The following LRRC4C variants were observed in gnomAD, a reference collection of about 807,000 sequenced individuals.
LRRC4C encodes the protein leucine rich repeat containing 4C, also known as leucine-rich repeat-containing protein 4C.
In LRRC4C, 5 loss-of-function variants were observed where a neutral mutation model predicts 33.6. That is an observed-to-expected ratio of 0.15 (90% CI 0.08 to 0.31). The LOEUF (loss-of-function observed/expected upper bound fraction) is 0.31. Among genes scored for constraint, LRRC4C ranks in the 10% least tolerant of loss-of-function variants. The pLI, the probability that LRRC4C is intolerant of heterozygous loss-of-function variation, is 1.00. For missense variants in LRRC4C, 560 were observed against 796.7 expected, an observed-to-expected ratio of 0.70 and a Z score of 3.58; for synonymous variants, 329 against 302.0, an observed-to-expected ratio of 1.09 and a Z score of -0.93.
At chr11:41,224,196 G>A (rs1003941069) in intron 1 of LRRC4C, among the ~76,000 whole-genome samples, 5 of 152,128 alleles carry the variant, frequency 3.3e-5, no homozygotes, top group African/African-American at 9.7e-5. Flanking sequence ...AAAAAGCCAC[G>A]TTTAGAGGGA....
intron 2 of LRRC4C, among the ~76,000 whole-genome samples, chr11:40,793,051 G>T (rs1950689341): frequency 6.6e-6 from 1 of 152,102 alleles, no homozygotes; most frequent in Admixed American, 6.5e-5. Context: ...ATGAGTTAAT[G>T]GGTGCAGCAC....
chr11:41,396,463 T>C (rs1045269698), intron 1 of LRRC4C, among the ~76,000 whole-genome samples: 2 of 152,022 alleles, frequency 1.3e-5, no homozygotes, highest in African/African-American at 4.8e-5. Context: ...TTTTTTCTTT[T>C]ATAGTTATTG....
chr11:41,200,998 G>C (rs1263673085), intron 1 of LRRC4C, among the ~76,000 whole-genome samples: 1 of 152,066 alleles, frequency 6.6e-6, no homozygotes, highest in Non-Finnish European at 1.5e-5. Context: ...TATATAGCAG[G>C]CACCAAATTA....
intron 3 of LRRC4C, among the ~76,000 whole-genome samples, chr11:40,609,755 T>G (rs1239634301): frequency 6.6e-6 from 1 of 151,836 alleles, no homozygotes; most frequent in Non-Finnish European, 1.5e-5. Flanking sequence ...TATAACAGTT[T>G]ACTATGAATA....
At chr11:40,536,576 C>G (rs1436261283) in intron 3 of LRRC4C, among the ~76,000 whole-genome samples, 1 of 152,166 alleles carries the variant, frequency 6.6e-6, no homozygotes, top group African/African-American at 2.4e-5. Flanking sequence ...AGCTATATTA[C>G]TTTTTCCTTT....
chr11:40,873,819 C>T (rs1188231176), intron 2 of LRRC4C, among the ~76,000 whole-genome samples: 1 of 152,116 alleles, frequency 6.6e-6, no homozygotes, highest in East Asian at 1.9e-4. Flanking sequence ...TCTTTGACAT[C>T]GCATTTCGAA....
intron 1 of LRRC4C, among the ~76,000 whole-genome samples, chr11:41,413,892 G>A (rs1392266050): frequency 2.0e-5 from 3 of 152,100 alleles, no homozygotes; most frequent in South Asian, 2.1e-4. Context: ...ATATCACAAC[G>A]GAGCTATGGT....
chr11:41,241,715 C>A (rs1948257077), intron 1 of LRRC4C, among the ~76,000 whole-genome samples: 1 of 152,250 alleles, frequency 6.6e-6, no homozygotes, highest in South Asian at 2.1e-4. Context: ...TTTGACAGAA[C>A]TCAGTTGGAA....
chr11:40,378,289 A>T (rs2137318414), intron 3 of LRRC4C, among the ~76,000 whole-genome samples: 1 of 152,014 alleles, frequency 6.6e-6, no homozygotes, highest in South Asian at 2.1e-4. Context: ...TGAGTGCTTG[A>T]TTTTTCTGGC....
At chr11:40,766,860 G>A (rs535867747) in intron 2 of LRRC4C, among the ~76,000 whole-genome samples, 1 of 151,540 alleles carries the variant, frequency 6.6e-6, no homozygotes, top group Non-Finnish European at 1.5e-5. Context: ...AGGGAAGGGA[G>A]GGAAGGGGAG....
intron 1 of LRRC4C, among the ~76,000 whole-genome samples, chr11:41,138,033 T>TA (rs1456163676): frequency 6.9e-4 from 105 of 152,340 alleles, no homozygotes; most frequent in African/African-American, 2.4e-3. Context: ...GGTATATCAC[T>TA]GGTGCTCTAG....
chr11:40,326,421 G>C (rs978112558), intron 3 of LRRC4C, among the ~76,000 whole-genome samples: 1 of 152,052 alleles, frequency 6.6e-6, no homozygotes, highest in Non-Finnish European at 1.5e-5. Flanking sequence ...AATTAGCTGG[G>C]CATGGTGGCA....
intron 5 of LRRC4C, among the ~76,000 whole-genome samples, chr11:40,236,872 C>T (rs185452487): frequency 4.6e-5 from 7 of 152,154 alleles, no homozygotes; most frequent in African/African-American, 1.2e-4. Flanking sequence ...TCAGACTGTC[C>T]TGACAAATGT....
At chr11:40,832,952 A>G (rs1952486505) in intron 2 of LRRC4C, among the ~76,000 whole-genome samples, 1 of 152,166 alleles carries the variant, frequency 6.6e-6, no homozygotes, top group Non-Finnish European at 1.5e-5. Context: ...GCTCAACACA[A>G]GCATAAGGAG....
chr11:40,360,520 A>G (rs1947901022), intron 3 of LRRC4C, among the ~76,000 whole-genome samples: 1 of 152,210 alleles, frequency 6.6e-6, no homozygotes, highest in Non-Finnish European at 1.5e-5. Context: ...GGGGCATTGA[A>G]TAGGGACCTC....
intron 2 of LRRC4C, among the ~76,000 whole-genome samples, chr11:40,696,328 G>GTA (rs1226148395): frequency 2.4e-5 from 3 of 122,566 alleles, no homozygotes; most frequent in Non-Finnish European, 5.2e-5. Context: ...ATATATATGA[G>GTA]TATATATATA....
chr11:41,019,728 T>C (rs997638506), intron 1 of LRRC4C, among the ~76,000 whole-genome samples: 2 of 152,202 alleles, frequency 1.3e-5, no homozygotes, highest in Admixed American at 6.5e-5. Flanking sequence ...TGGTATGAGA[T>C]GGTATCTCAC....
rs556704670 is a variant in LRRC4C at position 40,993,487 on chromosome 11, C to G, written c.-495-59764G>C. Among the ~76,000 whole-genome samples, 73 of 152,182 alleles carry G rather than the reference C, an allele frequency of 4.8e-4. 1 individual carries two copies. The South Asian group carries it at 6.2e-3, about 13-fold the overall frequency. The stretch of plus-strand genomic sequence containing the variant: ...CTGAAGTCATCTGCTTATAACAAAA[C>G]AGAAAATTAAAAATAAATGTTTTAA... On this transcript the variant is annotated intron_variant, in intron 1 of 6. Transcript: ENST00000528697.
chr11:40,484,872 A>C (rs992317525), intron 3 of LRRC4C, among the ~76,000 whole-genome samples: 1 of 152,128 alleles, frequency 6.6e-6, no homozygotes, highest in Non-Finnish European at 1.5e-5. Context: ...TGTAATTGGA[A>C]ATAATTTCTG....
Sources: allele counts gnomAD v4.1 joint callset (sites outside exome capture counted in the v4.1 genomes callset), GRCh38; gene constraint gnomAD v4.1.1; transcripts MANE v1.5; gene names NCBI Gene and HGNC (gene_info 2026-07-23, HGNC 2026-07-21).